Variants in SPEN observed in about 807,000 individuals in gnomAD.
SPEN encodes msx2-interacting protein.
SPEN carries 18 observed loss-of-function variants against 269.9 expected under a neutral mutation model. The observed-to-expected ratio is 0.07, with a 90% CI of 0.05 to 0.10. SPEN has a LOEUF of 0.10. Ranked by LOEUF, SPEN falls within the 10% of genes least tolerant of loss-of-function variation. The pLI is 1.00. For synonymous variants in SPEN, 1,726 were observed against 1,765.7 expected, an observed-to-expected ratio of 0.98 and a Z score of 0.56; for missense variants, 3,822 against 4,631.2, an observed-to-expected ratio of 0.83 and a Z score of 5.07.
At chr1:15,884,639 T>C (rs2070719449) in intron 3 of SPEN, among the ~76,000 whole-genome samples, 1 of 152,172 alleles carries the variant, frequency 6.6e-6, no homozygotes, top group Non-Finnish European at 1.5e-5. Flanking sequence ...ATACGTGGCA[T>C]GTGCTGGGAA....
At chr1:15,859,221 T>G (rs1317606844) in intron 1 of SPEN, among the ~76,000 whole-genome samples, 1 of 150,360 alleles carries the variant, frequency 6.7e-6, no homozygotes, top group African/African-American at 2.4e-5. Context: ...ACAGGTGAGA[T>G]CATAGCTCAC....
chr1:15,880,611 T>G (rs946756021), intron 3 of SPEN, among the ~76,000 whole-genome samples: 1 of 151,886 alleles, frequency 6.6e-6, no homozygotes, highest in African/African-American at 2.4e-5. Context: ...ACTGCCACCA[T>G]GCCCGGCTAA....
At chr1:15,880,408 A>T (rs2070675473) in intron 3 of SPEN, among the ~76,000 whole-genome samples, 1 of 140,536 alleles carries the variant, frequency 7.1e-6, no homozygotes. Flanking sequence ...TAACTTATTG[A>T]TTCCTTCTAG....
At chr1:15,923,813 G>T (rs2071141170) in intron 10 of SPEN, among the ~76,000 whole-genome samples, 4 of 152,024 alleles carry the variant, frequency 2.6e-5, no homozygotes, top group African/African-American at 4.8e-5. Context: ...GGGACTACAG[G>T]CGCATGCCAC....
At chr1:15,859,714 C>T (rs2070424057) in intron 1 of SPEN, among the ~76,000 whole-genome samples, 1 of 151,894 alleles carries the variant, frequency 6.6e-6, no homozygotes, top group Admixed American at 6.6e-5. Flanking sequence ...AGAGTTGTAG[C>T]ATTTTATTTC....
rs2071251149 is a variant in SPEN at position 15,934,220 on chromosome 1, C to T, written c.7980C>T (p.Val2660=). The change falls in exon 11 of 15, where the codon GTC becomes GTT. Residue 2660 remains valine, a synonymous_variant. Coordinates refer to ENST00000375759, the MANE Select transcript of SPEN (RefSeq NM_015001.3). This position sits in a 1 kb window ranked among gnomAD's most constrained non-coding sequence, Gnocchi z 9.2. ...GCGCACTCACTGGCCTGGTGAACGT[C>T]TCCCTGGTCCCGGTGAATGCCCTGA... is the stretch of plus-strand genomic sequence containing the variant. ...LVSALTGLVN[V]SLVPVNALKG... is the part of the protein sequence containing the mutation. The T allele has an allele frequency of 6.2e-7, 1 of 1,614,278 alleles. No homozygotes were observed.
Position 15,939,631 on chromosome 1 carries a change from C to T in SPEN, c.*204C>T, listed in dbSNP as rs2071317612. 5.8e-6 allele frequency: 3 copies of T among 514,992 alleles called. No individual in the cohort carries two copies. Among genetic ancestry groups the T allele is most frequent in the Non-Finnish European group, 9.5e-6 (3 of 314,648 alleles). The allele number at this position is 514,992 out of a possible 1,614,324, so 31.9% of individuals were successfully genotyped here. On this transcript the variant is annotated 3_prime_UTR_variant, in exon 15 of 15. Transcript: ENST00000375759. This position sits in a 1 kb window ranked among gnomAD's most constrained non-coding sequence, Gnocchi z 4.1. ...TGCTACCTTGTATGTTTACATAATGCTTTAGCCCAAGGACACATCACCAAC... is the reference window on the plus strand; with the variant it reads ...TGCTACCTTGTATGTTTACATAATGTTTTAGCCCAAGGACACATCACCAAC...
Position 15,939,541 on chromosome 1 carries a change from G to C in SPEN, c.*114G>C. 7 of 1,327,204 alleles carry C rather than the reference G, an allele frequency of 5.3e-6. No homozygotes were observed. In the South Asian group the frequency reaches 1.2e-4, roughly 22 times the overall value. The allele number at this position is 1,327,204 out of a possible 1,614,324, so 82.2% of individuals were successfully genotyped here. On this transcript the variant is annotated 3_prime_UTR_variant, in exon 15 of 15. Coordinates refer to ENST00000375759, the MANE Select transcript of SPEN (RefSeq NM_015001.3). The surrounding 1 kb of genome is among the most constrained non-coding windows in gnomAD (Gnocchi z 4.1). ...CCGAAGGGGACAGACTCCACTGCCA[G>C]ACGGCCAGCCGTTTGCTGTCCTGCC...
chr1:15,873,997 G>A, intron 2 of SPEN: 1 of 1,205,834 alleles, frequency 8.3e-7, no homozygotes, highest in Non-Finnish European at 1.1e-6. Flanking sequence ...TGACTGGGCT[G>A]GATGGCTACA....
At chr1:15,896,240 G>A (rs1466755580) in intron 3 of SPEN, among the ~76,000 whole-genome samples, 1 of 122,614 alleles carries the variant, frequency 8.2e-6, no homozygotes, top group Non-Finnish European at 1.6e-5. Flanking sequence ...CTGTCACCCA[G>A]GCTGGAGTGC....
chr1:15,885,526 G>A (rs1325544800), intron 3 of SPEN, among the ~76,000 whole-genome samples: 1 of 152,182 alleles, frequency 6.6e-6, no homozygotes, highest in Non-Finnish European at 1.5e-5. Flanking sequence ...TTTATTGACT[G>A]TGTATGATTA....
intron 5 of SPEN, among the ~76,000 whole-genome samples, chr1:15,913,492 G>C (rs2071029859): frequency 6.6e-6 from 1 of 152,016 alleles, no homozygotes; most frequent in South Asian, 2.1e-4. Flanking sequence ...GTCTCACTCT[G>C]TTGCCACCCA....
At chr1:15,877,345 G>A (rs183831681) in intron 3 of SPEN, among the ~76,000 whole-genome samples, 156 of 151,736 alleles carry the variant, frequency 1.0e-3, no homozygotes, top group African/African-American at 3.6e-3. Context: ...CTTGGCTCAC[G>A]GCAACCTCTG....
At chr1:15,884,184 G>A (rs1295634702) in intron 3 of SPEN, among the ~76,000 whole-genome samples, 1 of 152,054 alleles carries the variant, frequency 6.6e-6, no homozygotes, top group Non-Finnish European at 1.5e-5. Context: ...GTAATAAAAA[G>A]GAATATGACC....
chr1:15,922,747 TGATTAGCTGGGACTACAGACACTTGC>T (rs1260436605), intron 10 of SPEN, among the ~76,000 whole-genome samples: 2 of 152,136 alleles, frequency 1.3e-5, no homozygotes, highest in Non-Finnish European at 2.9e-5. Flanking sequence ...ATCATCTTCT[TGATTAGCTGGGACTACAGACACTTGC>T]CACCACGCTG....
intron 1 of SPEN, among the ~76,000 whole-genome samples, chr1:15,853,321 G>T (rs955495853): frequency 1.3e-5 from 2 of 150,590 alleles, no homozygotes; most frequent in Non-Finnish European, 2.9e-5. Context: ...TGAGTAGCTG[G>T]GACTACAGGC....
rs372436193 is a variant in SPEN, at chr1:15,933,718, G to A, written c.7478G>A (p.Ser2493Asn). 2.5e-6 allele frequency: 4 copies of A among 1,614,062 alleles called. No individual in the cohort carries two copies. The highest frequency in any genetic ancestry group is 2.5e-6 in the Non-Finnish European group (3 of 1,179,992). The change falls in exon 11 of 15, where the codon AGC (serine) becomes AAC (asparagine). Residue 2493 changes from serine to asparagine, a missense_variant. Coordinates refer to ENST00000375759, the MANE Select transcript of SPEN (RefSeq NM_015001.3). This position sits in a 1 kb window ranked among gnomAD's most constrained non-coding sequence, Gnocchi z 5.7. The stretch of plus-strand genomic sequence containing the variant: ...GCCTCTGGGGGGATCCCACACCAGA[G>A]CCCCCCTACTAAGGTGACAGAGTGG... ...PVASGGIPHQ[S>N]PPTKVTEWIT...
rs1176951125 is a variant in SPEN at position 15,940,142 on chromosome 1, C to T, written c.*715C>T. 4.5e-6 allele frequency: 1 copy of T among 222,922 alleles called. No individual in the cohort carries two copies. Among genetic ancestry groups the T allele is most frequent in the African/African-American group, 2.2e-5 (1 of 44,446 alleles). 13.8% of individuals were successfully genotyped at this position (222,922 alleles called of 1,614,324 possible). On this transcript the variant is annotated 3_prime_UTR_variant, in exon 15 of 15. Coordinates refer to ENST00000375759, the MANE Select transcript of SPEN (RefSeq NM_015001.3). ...TATATATAATACTGACTTAAAAAAT[C>T]AAATCCCCCGACATACGTTTTTTTT...
intron 3 of SPEN, among the ~76,000 whole-genome samples, chr1:15,899,227 G>T (rs1387312360): frequency 6.6e-6 from 1 of 152,094 alleles, no homozygotes; most frequent in African/African-American, 2.4e-5. Flanking sequence ...CTGCAGTGTA[G>T]TGGTGCGATT....
Sources: allele counts gnomAD v4.1 joint callset (sites outside exome capture counted in the v4.1 genomes callset), GRCh38; gene constraint gnomAD v4.1.1; non-coding constraint Gnocchi (gnomAD v3.1); transcripts MANE v1.5; gene names NCBI Gene and HGNC (gene_info 2026-07-23, HGNC 2026-07-21).